The following KEL variants were observed in gnomAD, a reference collection of about 807,000 sequenced individuals.
The protein encoded by KEL is Kell metallo-endopeptidase (Kell blood group), also known as kell blood group glycoprotein.
In KEL, 96 loss-of-function variants were observed where a neutral mutation model predicts 99.5. The observed-to-expected ratio is 0.97, with a 90% CI of 0.82 to 1.14. The LOEUF (loss-of-function observed/expected upper bound fraction) is 1.14, where lower values mean the gene tolerates loss of function less well. Among genes scored for constraint, KEL ranks in the 50% most tolerant of loss-of-function variants. KEL has a pLI of 0.00. For missense variants in KEL, 926 were observed against 924.2 expected, an observed-to-expected ratio of 1.00 and a Z score of -0.03; for synonymous variants, 355 against 354.8, an observed-to-expected ratio of 1.00 and a Z score of -0.01.
intron 10 of KEL, 104 bp from the exon 11 acceptor site, chr7:142,946,421 C>G: frequency 1.1e-6 from 1 of 898,482 alleles, no homozygotes; most frequent in Admixed American, 2.0e-5. Context: ...GCTCTTTTGA[C>G]TGGACTTTCT....
chr7:142,956,595 T>C (rs1353578313), intron 6 of KEL, among the ~76,000 whole-genome samples: 1 of 152,102 alleles, frequency 6.6e-6, no homozygotes, highest in African/African-American at 2.4e-5. Flanking sequence ...CCTCACTGAC[T>C]CCACGAAGGA....
At chr7:142,942,589 C>T (rs1796390239) in intron 17 of KEL, 60 bp from the exon 18 acceptor site, 2 of 1,280,290 alleles carry the variant, frequency 1.6e-6, no homozygotes, top group South Asian at 1.3e-5. Flanking sequence ...ATTTGAAAGT[C>T]CCTCCACACA....
intron 17 of KEL, 52 bp downstream of exon 17, chr7:142,942,821 CAT>C (rs780251767): frequency 6.2e-7 from 1 of 1,600,702 alleles, no homozygotes; most frequent in Non-Finnish European, 8.6e-7. Context: ...AACTTGAGGA[CAT>C]GTTTTCTAGT....
chr7:142,945,632 C>CTTT (rs35052637), intron 11 of KEL, among the ~76,000 whole-genome samples: 6 of 144,916 alleles, frequency 4.1e-5, no homozygotes, highest in African/African-American at 1.0e-4. Context: ...TTCAATTTTC[C>CTTT]TTTTTTTTTT....
chr7:142,946,638 A>G, intron 10 of KEL: 1 of 391,232 alleles, frequency 2.6e-6, no homozygotes, highest in Admixed American at 3.9e-5. Context: ...CCAAACTCAT[A>G]CCTCGGCAGT....
At chr7:142,957,510 T>G (rs954184062) in intron 6 of KEL, among the ~76,000 whole-genome samples, 10 of 152,044 alleles carry the variant, frequency 6.6e-5, no homozygotes, top group Admixed American at 5.2e-4. Context: ...TTCCCTCTAG[T>G]AAAAATAAAG....
intron 4 of KEL, among the ~76,000 whole-genome samples, chr7:142,959,445 G>A (rs1368893858): frequency 6.6e-6 from 1 of 151,972 alleles, no homozygotes; most frequent in Non-Finnish European, 1.5e-5. Context: ...AAACCAAGAA[G>A]GAAAAGACAG....
In KEL at chr7:142,952,616, T is replaced by C; in HGVS notation, c.1096A>G (p.Ile366Val). The stretch of plus-strand genomic sequence containing the variant: ...GAAAGGGTCACCACCAGCCCTAAGA[T>C]CATGTGGCTCTGCAGAAAGTCCCTA... ...KQRDFLQSHM[I>V]LGLVVTLSPA... The change falls in exon 10 of 19, where the codon ATC (isoleucine) becomes GTC (valine). Residue 366 changes from isoleucine (I) to valine (V), a missense_variant. By Grantham distance (29) the Ile-to-Val change is conservative. Transcript: ENST00000355265. 1.2e-6 allele frequency: 2 copies of C among 1,614,002 alleles called. No individual in the cohort carries two copies. Among genetic ancestry groups the C allele is most frequent in the Non-Finnish European group, 1.7e-6 (2 of 1,179,990 alleles).
At position 142,943,556 on chromosome 7, in the gene KEL, C is replaced by T. The variant is rs549070520; in HGVS notation, c.1633G>A (p.Val545Ile). Residue 545 changes from valine (V) to isoleucine (I), a missense_variant, in exon 15 of 19, where the codon GTA becomes ATA. Coordinates refer to ENST00000355265, the MANE Select transcript of KEL (RefSeq NM_000420.3). ...GGAAAGACTACCACATGGTCAGATA[C>T]CGAATAGTAAGCATTGACGTCCCAA... is the stretch of plus-strand genomic sequence containing the variant. Reference protein sequence around the residue: ...SPWDVNAYYSVSDHVVVFPAG... With the variant: ...SPWDVNAYYSISDHVVVFPAG... The T allele has an allele frequency of 6.2e-6, 10 of 1,614,130 alleles. No individual in the cohort carries two copies. In the South Asian group the frequency reaches 8.8e-5, roughly 14 times the overall value.
intron 4 of KEL, among the ~76,000 whole-genome samples, chr7:142,959,976 C>A (rs1796914909): frequency 6.6e-6 from 1 of 152,154 alleles, no homozygotes; most frequent in African/African-American, 2.4e-5. Context: ...ACTGGAAATG[C>A]ATGTCTATCT....
At chr7:142,944,876 C>A (rs1194842999) in intron 11 of KEL, 135 bp from the exon 12 acceptor site, 5 of 725,366 alleles carry the variant, frequency 6.9e-6, no homozygotes, top group African/African-American at 1.8e-5. Flanking sequence ...GCTAGAGGAG[C>A]AGCTCAACTA....
At chr7:142,954,646 A>C in intron 6 of KEL, 119 bp from the exon 7 acceptor site, 1 of 877,188 alleles carries the variant, frequency 1.1e-6, no homozygotes, top group Non-Finnish European at 2.0e-6. Flanking sequence ...AAGATTGGAC[A>C]GAAGAGAAGC....
intron 1 of KEL, 145 bp from the exon 2 acceptor site, chr7:142,962,017 A>G (rs745333264): frequency 1.9e-6 from 3 of 1,610,012 alleles, no homozygotes; most frequent in Non-Finnish European, 2.5e-6. Flanking sequence ...GTGTTCCCAG[A>G]TGGGCTTCAG....
At chr7:142,959,303 T>C (rs993975184) in intron 4 of KEL, among the ~76,000 whole-genome samples, 1 of 151,426 alleles carries the variant, frequency 6.6e-6, no homozygotes, top group African/African-American at 2.4e-5. Context: ...GGGGGAGGAA[T>C]AGAGATGAGG....
rs376696131 is a variant in KEL, at chr7:142,944,325, C to A, written c.1489G>T (p.Asp497Tyr). ...KPELARQEYNDIQLGSSFLQS... is the reference protein window; with the variant it reads ...KPELARQEYNYIQLGSSFLQS... ...AGCTGGAAAACACAGGGACCCACATCGTTGTATTCTTGTCGGGCCAGCTCT... is the reference window on the plus strand; with the variant it reads ...AGCTGGAAAACACAGGGACCCACATAGTTGTATTCTTGTCGGGCCAGCTCT... The change falls in exon 13 of 19, where the codon GAT becomes TAT. Residue 497 changes from aspartate to tyrosine, a missense_variant and splice_region_variant. Coordinates refer to ENST00000355265, the MANE Select transcript of KEL (RefSeq NM_000420.3). 16 of 1,612,706 alleles carry A rather than the reference C, an allele frequency of 9.9e-6. No homozygotes were observed. The highest frequency in any genetic ancestry group is 1.4e-5 in the Non-Finnish European group (16 of 1,178,802).
Position 142,941,179 on chromosome 7 carries a change from G to T in KEL, c.*73C>A. 1 of 1,513,168 alleles carries T rather than the reference G, an allele frequency of 6.6e-7. No homozygotes were observed. Among genetic ancestry groups the T allele is most frequent in the Non-Finnish European group, 9.2e-7 (1 of 1,088,602 alleles). 93.7% of individuals were successfully genotyped at this position (1,513,168 alleles called of 1,614,324 possible). On this transcript the variant is annotated 3_prime_UTR_variant, in exon 19 of 19. Transcript: ENST00000355265. The stretch of plus-strand genomic sequence containing the variant: ...GGAACAGAAGCAGAAAGGAAATCTT[G>T]CTCTGATTCCATGGATGTGACCAGG...
At chr7:142,961,551 A>G (rs1796960518) in intron 2 of KEL, 50 bp from the exon 3 acceptor site, 1 of 1,549,934 alleles carries the variant, frequency 6.5e-7, no homozygotes. Flanking sequence ...GTTGAGAGAC[A>G]GGGATGGGAA....
chr7:142,946,453 C>A (rs2116649779), intron 10 of KEL, 136 bp from the exon 11 acceptor site: 1 of 727,784 alleles, frequency 1.4e-6, no homozygotes, highest in Non-Finnish European at 2.5e-6. Flanking sequence ...GTTTACTATC[C>A]CTTAGGGTGA....
intron 2 of KEL, 76 bp downstream of exon 2, chr7:142,961,718 GA>G: frequency 7.4e-7 from 1 of 1,353,242 alleles, no homozygotes; most frequent in Non-Finnish European, 1.1e-6. Flanking sequence ...ACAGTTAGTA[GA>G]TGAGTGTTTG....
Sources: allele counts gnomAD v4.1 joint callset (sites outside exome capture counted in the v4.1 genomes callset), GRCh38; gene constraint gnomAD v4.1.1; transcripts MANE v1.5; gene names NCBI Gene and HGNC (gene_info 2026-07-23, HGNC 2026-07-21).